The following MRC2 variants were observed in gnomAD, a reference collection of about 807,000 sequenced individuals.
MRC2 encodes mannose receptor C-type 2.
In MRC2, 84 loss-of-function variants were observed where a neutral mutation model predicts 206.2. The observed-to-expected ratio is 0.41, with a 90% CI of 0.34 to 0.49. The LOEUF is 0.49. MRC2 is among the 20% of genes least tolerant of loss of function. The probability of loss-of-function intolerance (pLI) is 0.31; values close to 1 mark genes in which losing one functional copy is unlikely to be tolerated. For missense variants in MRC2, 1,676 were observed against 2,001.5 expected (o/e 0.84, Z 3.10); for synonymous variants, 798 against 800.0 (o/e 1.00, Z 0.04).
Position 62,667,327 on chromosome 17 carries a change from G to T in MRC2, c.974-63G>T. The T allele has an allele frequency of 1.3e-6, 2 of 1,517,816 alleles. No homozygotes were observed. The highest frequency in any genetic ancestry group is 1.8e-6 in the Non-Finnish European group (2 of 1,134,616). The allele number at this position is 1,517,816 out of a possible 1,614,324, so 94.0% of individuals were successfully genotyped here. A position where few individuals can be genotyped will look rare whatever the true frequency, so the allele number is the denominator to read the frequency against. On this transcript the variant is annotated intron_variant, in intron 5 of 29. Coordinates refer to ENST00000303375, the MANE Select transcript of MRC2 (RefSeq NM_006039.5). The surrounding 1 kb of genome is among the most constrained non-coding windows in gnomAD (Gnocchi z 4.1). Reference sequence around the variant, plus strand: ...AGGGAGGTAGGAGGTTCTGAGCAGGGCCCCGGGAGCCACGGTGTGAGCTTC... The same window carrying T: ...AGGGAGGTAGGAGGTTCTGAGCAGGTCCCCGGGAGCCACGGTGTGAGCTTC...
At chr17:62,627,979 G>C in intron 1 of MRC2, 59 bp downstream of exon 1, 1 of 1,197,366 alleles carries the variant, frequency 8.4e-7, no homozygotes. Context: ...GCCGAGGCGC[G>C]GGCCGCTCTC....
At chr17:62,683,423 G>A (rs1033351510) in intron 20 of MRC2, among the ~76,000 whole-genome samples, 4 of 150,640 alleles carry the variant, frequency 2.7e-5, no homozygotes, top group South Asian at 2.1e-4. Context: ...AGTCAAGATC[G>A]TGCCATTGCA....
In MRC2 at chr17:62,674,310, GC is replaced by G. The variant is rs1209816574; in HGVS notation, c.1569+141del. The G allele has an allele frequency of 1.9e-5, 12 of 626,250 alleles. No individual in the cohort carries two copies. In the Admixed American group the frequency reaches 3.7e-4, roughly 19 times the overall value. The allele number at this position is 626,250 out of a possible 1,614,324, so 38.8% of individuals were successfully genotyped here. On this transcript the variant is annotated intron_variant, in intron 9 of 29. Coordinates refer to ENST00000303375, the MANE Select transcript of MRC2 (RefSeq NM_006039.5). ...CCCCCTTCCCTGAGCTCTCCAAACT[GC>G]TCCTTTATTGAAGGAGTGATACTGG... is the stretch of plus-strand genomic sequence containing the variant.
intron 1 of MRC2, among the ~76,000 whole-genome samples, chr17:62,630,771 G>A (rs996545673): frequency 2.6e-5 from 4 of 152,144 alleles, no homozygotes; most frequent in African/African-American, 9.7e-5. Context: ...CTGCCTAAAG[G>A]ACAGGGAGGG....
chr17:62,673,776 C>G (rs1307316459), intron 8 of MRC2, among the ~76,000 whole-genome samples: 1 of 152,194 alleles, frequency 6.6e-6, no homozygotes, highest in African/African-American at 2.4e-5. Context: ...TCCCAAAATG[C>G]TGGGATTACA....
chr17:62,652,982 C>T lies in MRC2; in HGVS notation c.119-11566C>T, dbSNP rs2088575658. On this transcript the variant is annotated intron_variant, in intron 1 of 29. Transcript: ENST00000303375. The surrounding 1 kb of genome is among the most constrained non-coding windows in gnomAD (Gnocchi z 4.6). ...CAAGAGCAGGTGGATCTGGGAGCCCCAGATCCTGGGCACTGGGTTGGGGGA... is the reference window on the plus strand; with the variant it reads ...CAAGAGCAGGTGGATCTGGGAGCCCTAGATCCTGGGCACTGGGTTGGGGGA... Among the ~76,000 whole-genome samples the T allele has an allele frequency of 6.6e-6, 1 of 152,008 alleles. No individual in the cohort carries two copies. Among genetic ancestry groups the T allele is most frequent in the Admixed American group, 6.6e-5 (1 of 15,264 alleles).
At chr17:62,633,298 C>T (rs1232696517) in intron 1 of MRC2, among the ~76,000 whole-genome samples, 9 of 151,716 alleles carry the variant, frequency 5.9e-5, no homozygotes, top group African/African-American at 1.9e-4. Context: ...GTCAGGAGAT[C>T]GAGATCATCC....
intron 20 of MRC2, among the ~76,000 whole-genome samples, chr17:62,687,341 G>A (rs2089044166): frequency 6.6e-6 from 1 of 152,106 alleles, no homozygotes; most frequent in Non-Finnish European, 1.5e-5. Context: ...TATATTTTTA[G>A]TAGAGATGGG....
rs1336811222 is a variant in MRC2 at position 62,652,827 on chromosome 17, G to T, written c.119-11721G>T. Among the ~76,000 whole-genome samples the T allele has an allele frequency of 1.3e-5, 2 of 148,446 alleles. No homozygotes were observed. Among genetic ancestry groups the T allele is most frequent in the Non-Finnish European group, 3.0e-5 (2 of 66,778 alleles). The stretch of plus-strand genomic sequence containing the variant: ...GGTGGAGGGAGGGGCACACGGTGGC[G>T]GGGGGAGGGGCGTGCCGCAGATTGA... On this transcript the variant is annotated intron_variant, in intron 1 of 29. Transcript: ENST00000303375. This position sits in a 1 kb window ranked among gnomAD's most constrained non-coding sequence, Gnocchi z 4.6.
chr17:62,671,627 G>A lies in MRC2; in HGVS notation c.1118-22G>A. ...GACTGGGCGGCTCAGTCCCTGAGCA[G>A]CAGCCTCATGGGTCTCTGCAGACAG... On this transcript the variant is annotated intron_variant, in intron 6 of 29. Transcript: ENST00000303375. This position sits in a 1 kb window ranked among gnomAD's most constrained non-coding sequence, Gnocchi z 4.5. 1 of 1,540,350 alleles carries A rather than the reference G, an allele frequency of 6.5e-7. No homozygotes were observed. Among genetic ancestry groups the A allele is most frequent in the Non-Finnish European group, 8.8e-7 (1 of 1,141,304 alleles).
intron 1 of MRC2, among the ~76,000 whole-genome samples, chr17:62,650,165 G>A (rs1438784283): frequency 6.6e-6 from 1 of 152,170 alleles, no homozygotes; most frequent in African/African-American, 2.4e-5. Flanking sequence ...AAAATGCTGG[G>A]ATCACAGGCA....
chr17:62,645,497 TTATATATATATA>T (rs1201996433), intron 1 of MRC2, among the ~76,000 whole-genome samples: 7 of 93,822 alleles, frequency 7.5e-5, no homozygotes, highest in African/African-American at 1.2e-4. Context: ...TGTGTATATA[TTATATATATATA>T]TATATATATA....
At chr17:62,634,306 A>ATT (rs796354775) in intron 1 of MRC2, among the ~76,000 whole-genome samples, 1 of 146,474 alleles carries the variant, frequency 6.8e-6, no homozygotes, top group Admixed American at 6.8e-5. Context: ...ACCACAAGTC[A>ATT]TTTTTTTTTT....
rs1159184488 is a variant in MRC2, at chr17:62,666,465, C to T, written c.705C>T (p.Cys235=). Residue 235 remains cysteine, a synonymous_variant, in exon 4 of 30, where the codon TGC becomes TGT. Transcript: ENST00000303375. This position sits in a 1 kb window ranked among gnomAD's most constrained non-coding sequence, Gnocchi z 5.0. The part of the protein sequence containing the change: ...WGFCPIKSND[C]ETFWDKDQLT... ...CTGTCGTGGTGGCAGGTAACGACTG[C>T]GAGACCTTCTGGGACAAGGACCAGC... The T allele has an allele frequency of 1.9e-6, 3 of 1,613,930 alleles. No individual in the cohort carries two copies. Among genetic ancestry groups the T allele is most frequent in the African/African-American group, 1.3e-5 (1 of 75,032 alleles).
intron 1 of MRC2, among the ~76,000 whole-genome samples, chr17:62,662,375 G>A (rs961435029): frequency 6.6e-6 from 1 of 152,174 alleles, no homozygotes; most frequent in Non-Finnish European, 1.5e-5. Context: ...CCACATTTCA[G>A]CTCCTTCCCT....
rs1221286216 is a variant in MRC2 at position 62,652,309 on chromosome 17, A to C, written c.119-12239A>C. On this transcript the variant is annotated intron_variant, in intron 1 of 29. Coordinates refer to ENST00000303375, the MANE Select transcript of MRC2 (RefSeq NM_006039.5). This position sits in a 1 kb window ranked among gnomAD's most constrained non-coding sequence, Gnocchi z 4.6. ...GCGCACAACACCCCCGCACGGAGAA[A>C]TGAACAGGTGTGGCTCGGCAGAGGC... is the stretch of plus-strand genomic sequence containing the variant. Among the ~76,000 whole-genome samples, 2 of 152,250 alleles carry C rather than the reference A, an allele frequency of 1.3e-5. No individual in the cohort carries two copies. The highest frequency in any genetic ancestry group is 1.5e-5 in the Non-Finnish European group (1 of 68,046).
intron 2 of MRC2, among the ~76,000 whole-genome samples, chr17:62,665,189 C>T (rs750084876): frequency 1.3e-4 from 20 of 152,326 alleles, no homozygotes; most frequent in Non-Finnish European, 2.6e-4. Context: ...CACTTGAGGT[C>T]AGGAGTTCAA....
At chr17:62,674,307 A>C in intron 9 of MRC2, 137 bp downstream of exon 9, 2 of 623,176 alleles carry the variant, frequency 3.2e-6, no homozygotes, top group Non-Finnish European at 5.5e-6. Context: ...AGCTCTCCAA[A>C]CTGCTCCTTT....
At position 62,650,362 on chromosome 17, in the gene MRC2, C is replaced by T. The variant is rs1261438199; in HGVS notation, c.119-14186C>T. Among the ~76,000 whole-genome samples, 3 of 152,236 alleles carry T rather than the reference C, an allele frequency of 2.0e-5. 1 individual carries two copies. Among genetic ancestry groups the T allele is most frequent in the Admixed American group, 1.3e-4 (2 of 15,284 alleles). On this transcript the variant is annotated intron_variant, in intron 1 of 29. Coordinates refer to ENST00000303375, the MANE Select transcript of MRC2 (RefSeq NM_006039.5). ...GTGGCAAACCGGTGAGCCCACACCCCTCCCAGGTGGGCAGCTGCACCAGCT... is the reference window on the plus strand; with the variant it reads ...GTGGCAAACCGGTGAGCCCACACCCTTCCCAGGTGGGCAGCTGCACCAGCT...
Sources: allele counts gnomAD v4.1 joint callset (sites outside exome capture counted in the v4.1 genomes callset), GRCh38; gene constraint gnomAD v4.1.1; non-coding constraint Gnocchi (gnomAD v3.1); transcripts MANE v1.5; gene names NCBI Gene and HGNC (gene_info 2026-07-23, HGNC 2026-07-21).